The following LDB3 variants were observed in gnomAD, a reference collection of about 807,000 sequenced individuals.
LDB3 encodes LIM domain binding 3, also known as LIM domain-binding protein 3.
LDB3 carries 49 observed loss-of-function variants against 69.0 expected under a neutral mutation model. The observed-to-expected ratio is 0.71, with a 90% CI of 0.56 to 0.90. The LOEUF (loss-of-function observed/expected upper bound fraction) is 0.90. LDB3 is among the 40% of genes least tolerant of loss of function. LDB3 has a pLI of 0.00. For missense variants in LDB3, 928 were observed against 974.1 expected (o/e 0.95, Z 0.63); for synonymous variants, 387 against 396.2 (o/e 0.98, Z 0.28).
At chr10:86,701,078 C>T (rs1334426270) in intron 7 of LDB3, among the ~76,000 whole-genome samples, 1 of 152,190 alleles carries the variant, frequency 6.6e-6, no homozygotes, top group Non-Finnish European at 1.5e-5. Flanking sequence ...CCCATCCACC[C>T]TGAGATGCTC....
chr10:86,714,624 C>T (rs190264766), intron 9 of LDB3, among the ~76,000 whole-genome samples: 1 of 146,398 alleles, frequency 6.8e-6, no homozygotes, highest in East Asian at 2.0e-4. Context: ...GGTACGATCT[C>T]GGGTCACTGC....
rs1447638955 is a variant in LDB3, at chr10:86,726,424, T to A, written c.2094+172T>A. On this transcript the variant is annotated intron_variant, in intron 13 of 13. Transcript: ENST00000361373. ...CGATACATCACAGTCGAACAAAGTT[T>A]CATTCCTAATAATTATTTATAAACC... 14 of 654,508 alleles carry A rather than the reference T, an allele frequency of 2.1e-5. No homozygotes were observed. The East Asian group carries it at 3.6e-4, about 17-fold the overall frequency. The allele number at this position is 654,508 out of a possible 1,614,324, so 40.5% of individuals were successfully genotyped here. A position where few individuals can be genotyped will look rare whatever the true frequency, so the allele number is the denominator to read the frequency against.
rs1564626245 is a variant in LDB3 at position 86,668,784 on chromosome 10, G to A, written c.93G>A (p.Arg31=). The A allele has an allele frequency of 6.2e-6, 10 of 1,612,150 alleles. No individual in the cohort carries two copies. Among genetic ancestry groups the A allele is most frequent in the African/African-American group, 1.3e-5 (1 of 75,016 alleles). ...TCAACATGCCCCTCACTATCTCCCG[G>A]GTGAGTGCACCCTGCCACAGCCTGG... ...KDFNMPLTIS[R]ITPGSKAAQS... is the part of the protein sequence containing the mutation. The change falls in exon 2 of 14, where the codon CGG becomes CGA. Residue 31 remains arginine, a splice_region_variant and synonymous_variant. Coordinates refer to ENST00000361373, the MANE Select transcript of LDB3 (RefSeq NM_007078.3).
intron 13 of LDB3, among the ~76,000 whole-genome samples, chr10:86,727,500 G>C (rs1204100391): frequency 6.6e-6 from 1 of 152,064 alleles, no homozygotes; most frequent in Non-Finnish European, 1.5e-5. Flanking sequence ...TCCACACTTC[G>C]CTTCCATACC....
At chr10:86,685,248 G>A (rs1417968079) in intron 5 of LDB3, among the ~76,000 whole-genome samples, 8 of 152,320 alleles carry the variant, frequency 5.3e-5, no homozygotes, top group Middle Eastern at 3.4e-3. Flanking sequence ...CTCTTAGTCC[G>A]GAGCTGCTGA....
chr10:86,717,733 A>G (rs929926204), intron 10 of LDB3, among the ~76,000 whole-genome samples: 6 of 152,240 alleles, frequency 3.9e-5, no homozygotes, highest in African/African-American at 1.4e-4. Context: ...ATGTTTACCC[A>G]GTCCCCTATT....
intron 13 of LDB3, among the ~76,000 whole-genome samples, chr10:86,728,487 T>C (rs1310325811): frequency 6.6e-6 from 1 of 152,046 alleles, no homozygotes; most frequent in Non-Finnish European, 1.5e-5. Context: ...CACTGCCCTT[T>C]AGAGGATCAA....
In LDB3 at chr10:86,733,845, A is replaced by G. The variant is rs1302920122; in HGVS notation, c.*869A>G. On this transcript the variant is annotated 3_prime_UTR_variant, in exon 14 of 14. Transcript: ENST00000361373. ...CTTTGTTTAGCTTTAAGGGTTCGTT[A>G]GCATGAGTGTCCAGTCGTGTGCATG... is the stretch of plus-strand genomic sequence containing the variant. 1 of 152,280 alleles carries G rather than the reference A, an allele frequency of 6.6e-6. No individual in the cohort carries two copies. Among genetic ancestry groups the G allele is most frequent in the Non-Finnish European group, 1.5e-5 (1 of 68,100 alleles). 9.4% of individuals were successfully genotyped at this position (152,280 alleles called of 1,614,324 possible). A position where few individuals can be genotyped will look rare whatever the true frequency, so the allele number is the denominator to read the frequency against.
Position 86,716,227 on chromosome 10 carries a change from G to A in LDB3, c.1232-100G>A, listed in dbSNP as rs114915313. The A allele has an allele frequency of 7.1e-3, 9,998 of 1,411,450 alleles. 149 individuals carry two copies. The highest frequency in any genetic ancestry group is 0.059 in the African/African-American group (4,141 of 70,734). The allele number at this position is 1,411,450 out of a possible 1,614,324, so 87.4% of individuals were successfully genotyped here. On this transcript the variant is annotated intron_variant, in intron 9 of 13. Transcript: ENST00000361373. The stretch of plus-strand genomic sequence containing the variant: ...AAAACTGAAATTGTACTGCTCTAAT[G>A]TTAAAGTCACCTTTTGCATTTCTCT...
intron 6 of LDB3, 106 bp from the exon 7 acceptor site, chr10:86,692,429 G>T: frequency 8.7e-7 from 1 of 1,147,414 alleles, no homozygotes. Context: ...GGCAGTCACC[G>T]TGTGGGGCCT....
At chr10:86,668,260 G>A (rs1489333371), upstream of LDB3, among the ~76,000 whole-genome samples, 4 of 152,324 alleles carry the variant, frequency 2.6e-5, no homozygotes, top group South Asian at 6.2e-4. Flanking sequence ...CAGGAAGAGC[G>A]AGTGTCTACG....
intron 7 of LDB3, 27 bp downstream of exon 7, chr10:86,692,598 G>A: frequency 6.2e-7 from 1 of 1,611,076 alleles, no homozygotes; most frequent in Non-Finnish European, 8.5e-7. Context: ...AGGCTCTGTG[G>A]CCTTGCCCTC....
chr10:86,668,168 C>T (rs894905129), upstream of LDB3, among the ~76,000 whole-genome samples: 6 of 152,184 alleles, frequency 3.9e-5, no homozygotes, highest in African/African-American at 1.4e-4. Flanking sequence ...AGAATCCTGG[C>T]CAGGGACCAC....
chr10:86,675,234 G>A (rs1456140400), intron 2 of LDB3, among the ~76,000 whole-genome samples: 1 of 152,236 alleles, frequency 6.6e-6, no homozygotes, highest in Non-Finnish European at 1.5e-5. Context: ...AGGTCTAGGT[G>A]AGGGGAAGTG....
At position 86,718,817 on chromosome 10, in the gene LDB3, A is replaced by C; in HGVS notation, c.1948A>C (p.Met650Leu). The change falls in exon 12 of 14, where the codon ATG becomes CTG. Residue 650 changes from methionine to leucine, a missense_variant. Coordinates refer to ENST00000361373, the MANE Select transcript of LDB3 (RefSeq NM_007078.3). The stretch of plus-strand genomic sequence containing the variant: ...GCCTTTTGGGAACAGCCTCTTCCAC[A>C]TGGAAGACGGGGAGCCCTACTGCGA... ...KKPFGNSLFH[M>L]EDGEPYCEKD... 1 of 1,614,098 alleles carries C rather than the reference A, an allele frequency of 6.2e-7. No individual in the cohort carries two copies. The highest frequency in any genetic ancestry group is 2.2e-5 in the East Asian group (1 of 44,870).
intron 4 of LDB3, 133 bp from the exon 5 acceptor site, chr10:86,681,303 C>T (rs1845109162): frequency 1.5e-6 from 2 of 1,364,842 alleles, no homozygotes; most frequent in Admixed American, 3.4e-5. Context: ...AAGTGCTGCG[C>T]CCAGGCGCTC....
rs1043764341 is a variant in LDB3 at position 86,734,205 on chromosome 10, T to C, written c.*1229T>C. On this transcript the variant is annotated 3_prime_UTR_variant, in exon 14 of 14. Coordinates refer to ENST00000361373, the MANE Select transcript of LDB3 (RefSeq NM_007078.3). ...ACTGATATATATGCATTTGCTGTTT[T>C]GGCCAATATTTTGAAAATGTATGAG... is the stretch of plus-strand genomic sequence containing the variant. 6.6e-6 allele frequency: 1 copy of C among 152,260 alleles called. No individual in the cohort carries two copies. The allele number at this position is 152,260 out of a possible 1,614,324, so 9.4% of individuals were successfully genotyped here.
chr10:86,711,605 G>A (rs1165883786), intron 9 of LDB3, among the ~76,000 whole-genome samples: 1 of 151,918 alleles, frequency 6.6e-6, no homozygotes, highest in African/African-American at 2.4e-5. Flanking sequence ...GGGCGTCAGA[G>A]AGGGCGGGGA....
chr10:86,722,995 G>C (rs1419305501), intron 12 of LDB3, among the ~76,000 whole-genome samples: 2 of 151,934 alleles, frequency 1.3e-5, no homozygotes, highest in Non-Finnish European at 2.9e-5. Flanking sequence ...AGCCCAGCTT[G>C]GTGGCTCACG....
Sources: allele counts gnomAD v4.1 joint callset (sites outside exome capture counted in the v4.1 genomes callset), GRCh38; gene constraint gnomAD v4.1.1; transcripts MANE v1.5; gene names NCBI Gene and HGNC (gene_info 2026-07-23, HGNC 2026-07-21).